Variants in F11 observed in about 807,000 individuals in gnomAD.
The protein encoded by F11 is coagualtion factor XI.
Under a neutral mutation model 76.5 loss-of-function variants are expected in F11, and 78 were observed. That is an observed-to-expected ratio of 1.02 (90% CI 0.85 to 1.23). The LOEUF is 1.23. Ranked by LOEUF, F11 falls within the 50% of genes most tolerant of loss-of-function variation. The pLI is 0.00. For missense variants in F11, 742 were observed against 771.4 expected (o/e 0.96, Z 0.45); for synonymous variants, 278 against 276.3 (o/e 1.01, Z -0.06).
chr4:186,270,983 C>G (rs956556519), intron 2 of F11, among the ~76,000 whole-genome samples: 3 of 151,564 alleles, frequency 2.0e-5, no homozygotes, highest in Non-Finnish European at 4.4e-5. Context: ...TGGGATTACA[C>G]GCATGAGCCA....
Position 186,271,772 on chromosome 4 carries a change from G to A in F11, c.218+1G>A, listed in dbSNP as rs1057516738. The A allele has an allele frequency of 6.2e-7, 1 of 1,614,118 alleles. No homozygotes were observed. The highest frequency in any genetic ancestry group is 8.5e-7 in the Non-Finnish European group (1 of 1,179,998). Reference sequence around the variant, plus strand: ...CACCATCTGAGGATCCCACCCGATGGTAAATGCTTATGTTTCTACATCGAG... The same window carrying A: ...CACCATCTGAGGATCCCACCCGATGATAAATGCTTATGTTTCTACATCGAG... On this transcript the variant is annotated splice_donor_variant, in intron 3 of 14. Transcript: ENST00000403665. LOFTEE classifies it high-confidence loss of function.
intron 7 of F11, 62 bp from the exon 8 acceptor site, chr4:186,279,950 C>T (rs1310996494): frequency 8.1e-7 from 1 of 1,237,788 alleles, no homozygotes; most frequent in South Asian, 1.2e-5. Flanking sequence ...TCTCTAGGTG[C>T]TGTAAAAATG....
At chr4:186,275,335 G>T (rs202213774) in intron 5 of F11, 8 of 349,494 alleles carry the variant, frequency 2.3e-5, no homozygotes, top group South Asian at 1.8e-4. Context: ...TACTAAAAAA[G>T]AATACAAAAA....
At position 186,288,514 on chromosome 4, in the gene F11, C is replaced by G. The variant is rs145906668; in HGVS notation, c.1778C>G (p.Thr593Arg). The G allele has an allele frequency of 6.2e-7, 1 of 1,614,052 alleles. No homozygotes were observed. The highest frequency in any genetic ancestry group is 8.5e-7 in the Non-Finnish European group (1 of 1,180,048). ...HNEVWHLVGI[T>R]SWGEGCAQRE... Reference sequence around the variant, plus strand: ...GAGGTCTGGCATCTGGTAGGCATCACGAGCTGGGGCGAAGGCTGTGCTCAA... The same window carrying G: ...GAGGTCTGGCATCTGGTAGGCATCAGGAGCTGGGGCGAAGGCTGTGCTCAA... The change falls in exon 15 of 15, where the codon ACG becomes AGG. Residue 593 changes from threonine (T) to arginine (R), a missense_variant. Physicochemically the swap from Thr to Arg is moderately conservative, Grantham distance 71. Transcript: ENST00000403665.
intron 13 of F11, 193 bp downstream of exon 13, chr4:186,286,703 A>G: frequency 1.0e-6 from 1 of 985,416 alleles, no homozygotes; most frequent in African/African-American, 1.7e-5. Flanking sequence ...GAAATTTTAA[A>G]TGTGACTAAA....
Position 186,278,852 on chromosome 4 carries a change from C to A in F11, c.756-1160C>A, listed in dbSNP as rs534002675. On this transcript the variant is annotated intron_variant, in intron 7 of 14. Transcript: ENST00000403665. ...AGTGAAATTATCAAAGGGTTAAATG[C>A]AGAGAGGGAAGAAAGTAGGTCCAAA... Among the ~76,000 whole-genome samples, 11 of 152,198 alleles carry A rather than the reference C, an allele frequency of 7.2e-5. No individual in the cohort carries two copies. The South Asian group carries it at 2.3e-3, about 32-fold the overall frequency.
At chr4:186,289,682 A>ATT (rs11444909), downstream of F11, among the ~76,000 whole-genome samples, 9 of 137,746 alleles carry the variant, frequency 6.5e-5, no homozygotes, top group Admixed American at 1.5e-4. Context: ...ATCAAGTGTG[A>ATT]TTTTTTTTTT....
intron 10 of F11, chr4:186,282,014 C>A (rs1468161146): frequency 8.0e-7 from 1 of 1,245,904 alleles, no homozygotes; most frequent in Admixed American, 2.3e-5. Context: ...GTATCTCATA[C>A]ATTCTGTTTT....
At chr4:186,289,752 G>A (rs755243622), downstream of F11, among the ~76,000 whole-genome samples, 13 of 148,868 alleles carry the variant, frequency 8.7e-5, no homozygotes, top group Non-Finnish European at 1.6e-4. Context: ...GTGTGATCTC[G>A]GCTCACTGTA....
rs549610801 is a variant in F11, at chr4:186,285,914, G to A, written c.1480+101G>A. The A allele has an allele frequency of 1.1e-4, 140 of 1,262,940 alleles. 1 individual carries two copies. The highest frequency in any genetic ancestry group is 6.1e-4 in the Admixed American group (36 of 59,026). The allele number at this position is 1,262,940 out of a possible 1,614,324, so 78.2% of individuals were successfully genotyped here. A position where few individuals can be genotyped will look rare whatever the true frequency, so the allele number is the denominator to read the frequency against. On this transcript the variant is annotated intron_variant, in intron 12 of 14. Coordinates refer to ENST00000403665, the MANE Select transcript of F11 (RefSeq NM_000128.4). The stretch of plus-strand genomic sequence containing the variant: ...CCTGACCCTGCCAATCTCTCCATGC[G>A]TTATCATCATGAAAGGGAGAGGGCC...
At position 186,271,703 on chromosome 4, in the gene F11, C is replaced by T. The variant is rs1199400162; in HGVS notation, c.150C>T (p.Cys50=). Residue 50 remains cysteine (C), a synonymous_variant, in exon 3 of 15, where the codon TGC becomes TGT. Coordinates refer to ENST00000403665, the MANE Select transcript of F11 (RefSeq NM_000128.4). ...TPSAKYCQVV[C]TYHPRCLLFT... is the part of the protein sequence containing the mutation. ...GCGCCAAGTACTGCCAGGTAGTCTGCACTTACCACCCAAGATGTTTACTCT... is the reference window on the plus strand; with the variant it reads ...GCGCCAAGTACTGCCAGGTAGTCTGTACTTACCACCCAAGATGTTTACTCT... 1 of 1,614,162 alleles carries T rather than the reference C, an allele frequency of 6.2e-7. No homozygotes were observed. Among genetic ancestry groups the T allele is most frequent in the South Asian group, 1.1e-5 (1 of 91,080 alleles).
Position 186,288,552 on chromosome 4 carries a change from G to A in F11, c.1816G>A (p.Gly606Ser), listed in dbSNP as rs1485419838. ...AGGCTGTGCTCAAAGGGAGCGGCCA[G>A]GTGTTTACACCAACGTGGTCGAGTA... Reference protein sequence around the residue: ...GEGCAQRERPGVYTNVVEYVD... With the variant: ...GEGCAQRERPSVYTNVVEYVD... The change falls in exon 15 of 15, where the codon GGT (glycine) becomes AGT (serine). Residue 606 changes from glycine (G) to serine (S), a missense_variant. Coordinates refer to ENST00000403665, the MANE Select transcript of F11 (RefSeq NM_000128.4). 6.2e-7 allele frequency: 1 copy of A among 1,614,068 alleles called. No homozygotes were observed. Among genetic ancestry groups the A allele is most frequent in the Non-Finnish European group, 8.5e-7 (1 of 1,180,046 alleles).
chr4:186,272,475 C>T (rs1044286996), intron 3 of F11, among the ~76,000 whole-genome samples: 2 of 152,170 alleles, frequency 1.3e-5, no homozygotes, highest in Non-Finnish European at 2.9e-5. Flanking sequence ...ACATTTTAAA[C>T]AGTCCACCAA....
At chr4:186,285,521 T>G (rs1427806690) in intron 11 of F11, 117 bp from the exon 12 acceptor site, 7 of 1,078,390 alleles carry the variant, frequency 6.5e-6, no homozygotes, top group Non-Finnish European at 9.7e-6. Flanking sequence ...TTTTTCTACC[T>G]AAATGTCCAT....
chr4:186,286,194 AGTT>A (rs1741195877), intron 12 of F11: 2 of 548,406 alleles, frequency 3.6e-6, no homozygotes, highest in Non-Finnish European at 6.5e-6. Context: ...TTGGATGAGG[AGTT>A]AGCGGTGAGG....
chr4:186,267,575 T>C (rs1382069883), intron 2 of F11, among the ~76,000 whole-genome samples: 1 of 152,262 alleles, frequency 6.6e-6, no homozygotes, highest in East Asian at 1.9e-4. Flanking sequence ...TGAAAAATGT[T>C]ATGTAACTAT....
rs552380122 is a variant in F11 at position 186,276,227 on chromosome 4, G to A, written c.596-4G>A. On this transcript the variant is annotated splice_polypyrimidine_tract_variant and splice_region_variant and intron_variant, in intron 6 of 14. Transcript: ENST00000403665. ...GTCCCTGACATAGTTCTTCCGTCGC[G>A]CAGCTTGTATTAGGGACATTTTCCC... 6.2e-6 allele frequency: 10 copies of A among 1,614,034 alleles called. No individual in the cohort carries two copies. The highest frequency in any genetic ancestry group is 1.3e-5 in the African/African-American group (1 of 74,992).
intron 2 of F11, among the ~76,000 whole-genome samples, chr4:186,270,462 G>A (rs1244526434): frequency 1.3e-5 from 2 of 152,052 alleles, no homozygotes; most frequent in East Asian, 1.9e-4. Context: ...ATATTATGCG[G>A]CGGTGAAGTG....
chr4:186,282,534 A>G, intron 10 of F11: 1 of 985,420 alleles, frequency 1.0e-6, no homozygotes, highest in Non-Finnish European at 1.2e-6. Context: ...TTACCACAAA[A>G]TATGATTCTA....
Sources: gnomAD v4.1 joint callset for allele counts (sites outside exome capture counted in the v4.1 genomes callset) on GRCh38, gnomAD v4.1.1 for gene constraint, MANE v1.5 for transcripts, NCBI Gene and HGNC (gene_info 2026-07-23, HGNC 2026-07-21) for gene names.